The following AMOT variants were observed in gnomAD, a reference collection of about 807,000 sequenced individuals.
The protein encoded by AMOT is angiomotin.
In AMOT, 11 loss-of-function variants were observed where a neutral mutation model predicts 67.0. The observed-to-expected ratio is 0.16, with a 90% CI of 0.10 to 0.27. The LOEUF (loss-of-function observed/expected upper bound fraction) is 0.27, where lower values mean the gene tolerates loss of function less well. Ranked by LOEUF, AMOT falls within the 10% of genes least tolerant of loss-of-function variation. The probability of loss-of-function intolerance (pLI) is 1.00; values close to 1 mark genes in which losing one functional copy is unlikely to be tolerated. For synonymous variants in AMOT, 326 were observed against 321.4 expected, an observed-to-expected ratio of 1.01 and a Z score of -0.15; for missense variants, 753 against 852.0, an observed-to-expected ratio of 0.88 and a Z score of 1.45.
intron 3 of AMOT, 95 bp from the exon 4 acceptor site, chrX:112,823,283 T>C (rs1934760674): frequency 1.9e-6 from 1 of 523,114 alleles, no homozygotes; most frequent in East Asian, 3.7e-5. Context: ...GAGGATTCGA[T>C]TGCAGAAACA....
chrX:112,784,121 T>C (rs1388429005), intron 10 of AMOT, among the ~76,000 whole-genome samples: 1 of 112,214 alleles, frequency 8.9e-6, no homozygotes, highest in Non-Finnish European at 1.9e-5. Context: ...CTTTCATCAT[T>C]TGCCAAACTC....
intron 10 of AMOT, among the ~76,000 whole-genome samples, chrX:112,789,352 C>G (rs1273554149): frequency 9.0e-6 from 1 of 111,427 alleles, no homozygotes; most frequent in Non-Finnish European, 1.9e-5. Flanking sequence ...TATTGCCACA[C>G]TGGCATGTAT....
chrX:112,790,478 G>A lies in AMOT; in HGVS notation c.2117+114C>T, dbSNP rs941469195. 3.0e-5 allele frequency: 25 copies of A among 825,353 alleles called. No homozygotes were observed. In the African/African-American group the frequency reaches 5.0e-4, roughly 17 times the overall value. The allele number at this position is 825,353 out of a possible 1,213,427, so 68.0% of individuals were successfully genotyped here. A position where few individuals can be genotyped will look rare whatever the true frequency, so the allele number is the denominator to read the frequency against. On this transcript the variant is annotated intron_variant, in intron 10 of 13. Transcript: ENST00000371959. ...AATCAGATGAAAGAAAACACACTTA[G>A]GCAGAAATTGGGGGGGAAACCCAGA...
chrX:112,790,456 C>G, intron 10 of AMOT, 136 bp downstream of exon 10: 1 of 654,019 alleles, frequency 1.5e-6, no homozygotes, highest in Non-Finnish European at 2.3e-6. Context: ...CCTGCATAAT[C>G]AGATGAAAGA....
chrX:112,837,333 T>G (rs1429446153), intron 1 of AMOT, among the ~76,000 whole-genome samples: 2 of 111,981 alleles, frequency 1.8e-5, no homozygotes, highest in African/African-American at 3.2e-5. Context: ...TTACAAATTC[T>G]TATGTATTCC....
intron 8 of AMOT, among the ~76,000 whole-genome samples, chrX:112,802,993 T>G (rs759234583): frequency 2.7e-5 from 3 of 112,072 alleles, no homozygotes; most frequent in Non-Finnish European, 5.6e-5. Flanking sequence ...TGTCCCCATT[T>G]ATCTCCAACT....
At chrX:112,807,106 G>C (rs761815321) in intron 7 of AMOT, among the ~76,000 whole-genome samples, 11 of 110,967 alleles carry the variant, frequency 9.9e-5, no homozygotes, top group Non-Finnish European at 2.1e-4. Context: ...ACCGACCCAC[G>C]GGAAAGGAAA....
intron 7 of AMOT, among the ~76,000 whole-genome samples, chrX:112,808,875 C>A (rs2147806748): frequency 9.0e-6 from 1 of 111,682 alleles, no homozygotes; most frequent in Non-Finnish European, 1.9e-5. Context: ...GATATGCTGA[C>A]AAAGGAACAG....
intron 4 of AMOT, among the ~76,000 whole-genome samples, chrX:112,817,864 C>T (rs147039514): frequency 0.014 from 1,588 of 112,115 alleles, 22 homozygotes; most frequent in African/African-American, 0.049. Flanking sequence ...GTTATTTATA[C>T]ATTTATTTGG....
intron 2 of AMOT, among the ~76,000 whole-genome samples, chrX:112,829,504 T>C (rs1308674173): frequency 8.9e-6 from 1 of 112,013 alleles, no homozygotes; most frequent in Non-Finnish European, 1.9e-5. Flanking sequence ...CCATTAAAAC[T>C]CTTTTCTTTA....
In AMOT at chrX:112,816,778, T is replaced by C. The variant is rs190200926; in HGVS notation, c.873-901A>G. On this transcript the variant is annotated intron_variant, in intron 4 of 13. Transcript: ENST00000371959. ...CCATAATGCATTGATTTCTGTGCAC[T>C]GATACTTAGATTTCCAACCTATTGC... Among the ~76,000 whole-genome samples the C allele has an allele frequency of 4.1e-3, 461 of 112,010 alleles. 1 individual carries two copies. Among genetic ancestry groups the C allele is most frequent in the African/African-American group, 0.015 (448 of 30,841 alleles).
At chrX:112,838,253 G>A (rs1351561554) in intron 1 of AMOT, among the ~76,000 whole-genome samples, 1 of 112,112 alleles carries the variant, frequency 8.9e-6, no homozygotes, top group Admixed American at 9.5e-5. Flanking sequence ...GAAGCGTTAA[G>A]AGGGGAACAG....
chrX:112,837,248 T>C (rs1306134730), intron 1 of AMOT, among the ~76,000 whole-genome samples: 1 of 112,448 alleles, frequency 8.9e-6, no homozygotes, highest in Non-Finnish European at 1.9e-5. Flanking sequence ...TTTAGACAAT[T>C]AACTAACTCC....
chrX:112,837,574 G>A (rs1483611019), intron 1 of AMOT, among the ~76,000 whole-genome samples: 1 of 109,708 alleles, frequency 9.1e-6, no homozygotes, highest in Non-Finnish European at 1.9e-5. Context: ...TCCTTTCTCT[G>A]GGTTAAAAGG....
chrX:112,814,284 A>G (rs1277028803), intron 5 of AMOT, among the ~76,000 whole-genome samples: 1 of 110,550 alleles, frequency 9.0e-6, no homozygotes. Flanking sequence ...AAAAAAAAAA[A>G]AAAGAAAGAA....
chrX:112,787,875 T>C (rs1933421547), intron 10 of AMOT, among the ~76,000 whole-genome samples: 1 of 112,233 alleles, frequency 8.9e-6, no homozygotes, highest in African/African-American at 3.2e-5. Flanking sequence ...AATTGTTTCC[T>C]TCTTGCTTTC....
At chrX:112,804,898 T>TTGCCCCCCCCCCCCCCCCCCC in intron 8 of AMOT, 49 bp downstream of exon 8, 5 of 837,581 alleles carry the variant, frequency 6.0e-6, no homozygotes, top group Non-Finnish European at 6.9e-6. Context: ...GTCCCCGATT[T>TTGCCCCCCCCCCCCCCCCCCC]CCCAGCCCTC....
intron 3 of AMOT, among the ~76,000 whole-genome samples, chrX:112,824,181 G>A (rs1197077260): frequency 8.9e-6 from 1 of 111,939 alleles, no homozygotes; most frequent in East Asian, 2.8e-4. Flanking sequence ...AAAATGGCTG[G>A]TAGGTGATTT....
chrX:112,789,362 T>C (rs767631705), intron 10 of AMOT, among the ~76,000 whole-genome samples: 54 of 111,400 alleles, frequency 4.8e-4, no homozygotes, highest in African/African-American at 1.7e-3. Context: ...CTGGCATGTA[T>C]TGAGTATGCC....
Sources: allele counts gnomAD v4.1 joint callset (sites outside exome capture counted in the v4.1 genomes callset), GRCh38; gene constraint gnomAD v4.1.1; transcripts MANE v1.5; gene names NCBI Gene and HGNC (gene_info 2026-07-23, HGNC 2026-07-21).